Variants in DERPC observed in about 807,000 individuals in gnomAD.
DERPC encodes the protein DERPC proline and glycine rich nuclear protein.
DERPC carries 1 observed loss-of-function variant against 7.2 expected under a neutral mutation model. That is an observed-to-expected ratio of 0.14 (90% CI 0.05 to 0.66). The LOEUF is 0.66. Among genes scored for constraint, DERPC ranks in the 30% least tolerant of loss-of-function variants. The pLI is 0.84. For synonymous variants in DERPC, 185 were observed against 117.6 expected (o/e 1.57, Z -3.71); for missense variants, 502 against 299.4 (o/e 1.68, Z -4.99).
Position 69,118,606 on chromosome 16 carries a change from G to C in DERPC, c.*248C>G. On this transcript the variant is annotated 3_prime_UTR_variant, in exon 3 of 3. Transcript: ENST00000519520. ...AAGCTGTGGGACGAAAGCACAGCAG[G>C]CTTCTGGGAGGCTGGAGATCCTTTC... 2.8e-6 allele frequency: 2 copies of C among 711,664 alleles called. No homozygotes were observed. Among genetic ancestry groups the C allele is most frequent in the South Asian group, 3.0e-5 (2 of 67,672 alleles). The allele number at this position is 711,664 out of a possible 1,614,324, so 44.1% of individuals were successfully genotyped here. A position where few individuals can be genotyped will look rare whatever the true frequency, so the allele number is the denominator to read the frequency against.
rs745414540 is a variant in DERPC, at chr16:69,120,494, G to A, written c.-66C>T. The stretch of plus-strand genomic sequence containing the variant: ...TTTTGAAAAGGATCTTGTCTTTGAT[G>A]AGTGCTGTCACCAGGTACCGGGTGC... On this transcript the variant is annotated 5_prime_UTR_variant, in exon 3 of 3. Transcript: ENST00000519520. This position sits in a 1 kb window ranked among gnomAD's most constrained non-coding sequence, Gnocchi z 4.0. The A allele has an allele frequency of 2.3e-5, 37 of 1,614,004 alleles. No individual in the cohort carries two copies. Among genetic ancestry groups the A allele is most frequent in the Middle Eastern group, 3.3e-4 (2 of 6,084 alleles).
intron 1 of DERPC, 139 bp downstream of exon 1, chr16:69,132,345 G>C (rs1360820178): frequency 1.4e-5 from 2 of 144,032 alleles, no homozygotes; most frequent in African/African-American, 5.2e-5. Flanking sequence ...CCGCCCCTCG[G>C]CTCGCCATTC....
intron 1 of DERPC, among the ~76,000 whole-genome samples, chr16:69,131,788 G>A (rs1354822943): frequency 1.3e-5 from 2 of 151,114 alleles, no homozygotes; most frequent in East Asian, 3.9e-4. Flanking sequence ...TCTCCAAATT[G>A]TTCCCGGTTC....
At chr16:69,132,420 G>A in intron 1 of DERPC, 64 bp downstream of exon 1, 1 of 159,558 alleles carries the variant, frequency 6.3e-6, no homozygotes, top group Non-Finnish European at 1.3e-5. Flanking sequence ...TCGCGCCCTC[G>A]CCCCCAATCC....
chr16:69,130,041 T>C (rs1452398573), intron 1 of DERPC, among the ~76,000 whole-genome samples: 1 of 152,254 alleles, frequency 6.6e-6, no homozygotes, highest in African/African-American at 2.4e-5. Flanking sequence ...CAAGTATTCA[T>C]TTTAATCTTC....
chr16:69,120,454 T>A lies in DERPC; in HGVS notation c.-26A>T. ...ACTTTCTTGGGGACGCTGGTGATAATGGGCTTGGGGCGGGTTTTGAAAAGG... is the reference window on the plus strand; with the variant it reads ...ACTTTCTTGGGGACGCTGGTGATAAAGGGCTTGGGGCGGGTTTTGAAAAGG... On this transcript the variant is annotated 5_prime_UTR_variant, in exon 3 of 3. Coordinates refer to ENST00000519520, the MANE Select transcript of DERPC (RefSeq NM_001002847.4). This position sits in a 1 kb window ranked among gnomAD's most constrained non-coding sequence, Gnocchi z 4.0. 6.2e-7 allele frequency: 1 copy of A among 1,614,122 alleles called. No homozygotes were observed. Among genetic ancestry groups the A allele is most frequent in the South Asian group, 1.1e-5 (1 of 91,080 alleles).
intron 1 of DERPC, among the ~76,000 whole-genome samples, chr16:69,129,681 C>A (rs368721760): frequency 1.3e-5 from 2 of 152,170 alleles, no homozygotes; most frequent in Non-Finnish European, 1.5e-5. Context: ...TGAACCCTAA[C>A]CCCTCCACAA....
At chr16:69,130,322 T>C (rs1962409865) in intron 1 of DERPC, among the ~76,000 whole-genome samples, 1 of 152,208 alleles carries the variant, frequency 6.6e-6, no homozygotes, top group Admixed American at 6.5e-5. Flanking sequence ...TGTTTTTTTT[T>C]CAAACAGGAA....
intron 1 of DERPC, among the ~76,000 whole-genome samples, chr16:69,122,518 G>A (rs1567590222): frequency 6.6e-6 from 1 of 150,992 alleles, no homozygotes; most frequent in Non-Finnish European, 1.5e-5. Context: ...GATTACAGGT[G>A]CATGTCACCA....
intron 2 of DERPC, chr16:69,121,155 G>A (rs888034154): frequency 6.2e-7 from 1 of 1,613,016 alleles, no homozygotes; most frequent in African/African-American, 1.3e-5. Flanking sequence ...ATTCTGCCAG[G>A]CCTCCAGCCC....
At chr16:69,129,912 T>C (rs1343333301) in intron 1 of DERPC, among the ~76,000 whole-genome samples, 3 of 152,232 alleles carry the variant, frequency 2.0e-5, no homozygotes, top group Non-Finnish European at 2.9e-5. Flanking sequence ...TCATACCCAA[T>C]TGAGATGTTT....
intron 1 of DERPC, among the ~76,000 whole-genome samples, chr16:69,124,997 C>T (rs886953860): frequency 9.2e-5 from 14 of 152,062 alleles, no homozygotes; most frequent in Admixed American, 8.5e-4. Context: ...CTCCACCTCC[C>T]GAATTCAAGC....
chr16:69,125,468 AC>A (rs1463857729), intron 1 of DERPC, among the ~76,000 whole-genome samples: 1 of 152,238 alleles, frequency 6.6e-6, no homozygotes, highest in Non-Finnish European at 1.5e-5. Flanking sequence ...ACTCATAATC[AC>A]TACACAATTC....
chr16:69,121,242 T>C lies in DERPC; in HGVS notation c.-222+194A>G, dbSNP rs534770175. ...ATGAATAGTGTCCTCACACCACCAT[T>C]TGAGGCCCAAAGGACCTCTTTGTTG... is the stretch of plus-strand genomic sequence containing the variant. On this transcript the variant is annotated intron_variant, in intron 2 of 2. Transcript: ENST00000519520. 4 of 1,435,444 alleles carry C rather than the reference T, an allele frequency of 2.8e-6. No homozygotes were observed. The South Asian group carries it at 4.9e-5, about 18-fold the overall frequency. The allele number at this position is 1,435,444 out of a possible 1,614,324, so 88.9% of individuals were successfully genotyped here.
At chr16:69,131,156 G>C (rs765273658) in intron 1 of DERPC, 3 of 152,096 alleles carry the variant, frequency 2.0e-5, no homozygotes, top group Non-Finnish European at 2.9e-5. Context: ...TCCAAAAAGG[G>C]GCTTATGGAG....
Position 69,132,524 on chromosome 16 carries a change from G to A in DERPC, c.-320C>T, listed in dbSNP as rs1021384775. 1.6e-5 allele frequency: 5 copies of A among 307,196 alleles called. No homozygotes were observed. Among genetic ancestry groups the A allele is most frequent in the Admixed American group, 5.2e-5 (1 of 19,248 alleles). The allele number at this position is 307,196 out of a possible 1,614,324, so 19.0% of individuals were successfully genotyped here. On this transcript the variant is annotated 5_prime_UTR_variant, in exon 1 of 3. Coordinates refer to ENST00000519520, the MANE Select transcript of DERPC (RefSeq NM_001002847.4). ...CCGAGCGCGGCGCCGCGCGGCCAAC[G>A]GGCGACAACCGAACCTCCCGCCGCC...
chr16:69,118,260 G>A lies in DERPC; in HGVS notation c.*594C>T. The stretch of plus-strand genomic sequence containing the variant: ...AAATCTGGCCACCTCTAAGTCCCAG[G>A]AGAAGGGAGCTGCAGGCCCAGTCAG... On this transcript the variant is annotated 3_prime_UTR_variant, in exon 3 of 3. Coordinates refer to ENST00000519520, the MANE Select transcript of DERPC (RefSeq NM_001002847.4). 2.5e-6 allele frequency: 2 copies of A among 794,882 alleles called. No homozygotes were observed. The highest frequency in any genetic ancestry group is 2.6e-5 in the East Asian group (1 of 38,500). 49.2% of individuals were successfully genotyped at this position (794,882 alleles called of 1,614,324 possible). A position where few individuals can be genotyped will look rare whatever the true frequency, so the allele number is the denominator to read the frequency against.
chr16:69,127,950 T>C (rs1468848200), intron 1 of DERPC, among the ~76,000 whole-genome samples: 1 of 150,736 alleles, frequency 6.6e-6, no homozygotes, highest in Non-Finnish European at 1.5e-5. Context: ...AGTCTCACTC[T>C]GTCACTCAGG....
chr16:69,121,602 C>T (rs551658268), intron 1 of DERPC, 109 bp from the exon 2 acceptor site: 34 of 633,124 alleles, frequency 5.4e-5, no homozygotes, highest in Admixed American at 3.9e-4. Context: ...CTCAGCCTCC[C>T]GAGTAGCTGG....
Sources: allele counts gnomAD v4.1 joint callset (sites outside exome capture counted in the v4.1 genomes callset), GRCh38; gene constraint gnomAD v4.1.1; non-coding constraint Gnocchi (gnomAD v3.1); transcripts MANE v1.5; gene names NCBI Gene and HGNC (gene_info 2026-07-23, HGNC 2026-07-21).